Variants in ADAMTSL1 observed in about 807,000 individuals in gnomAD.
ADAMTSL1 encodes ADAMTS like 1.
A neutral mutation model predicts 201.8 loss-of-function variants in ADAMTSL1; 126 were observed. The ratio of observed to expected loss-of-function variants is 0.62; its 90% CI spans 0.54 to 0.72. The LOEUF (loss-of-function observed/expected upper bound fraction) is 0.72. Among genes scored for constraint, ADAMTSL1 ranks in the 30% least tolerant of loss-of-function variants. The pLI is 0.00. For synonymous variants in ADAMTSL1, 1,121 were observed against 903.4 expected, an observed-to-expected ratio of 1.24 and a Z score of -4.32; for missense variants, 2,679 against 2,277.8, an observed-to-expected ratio of 1.18 and a Z score of -3.59.
upstream of ADAMTSL1, among the ~76,000 whole-genome samples, chr9:18,472,076 G>C (rs1474730522): frequency 2.0e-5 from 3 of 152,126 alleles, no homozygotes; most frequent in African/African-American, 4.8e-5. Context: ...GAAGAGGGAG[G>C]AGGTGGTATT....
chr9:18,755,959 C>G (rs1265271236), intron 16 of ADAMTSL1, among the ~76,000 whole-genome samples: 1 of 150,854 alleles, frequency 6.6e-6, no homozygotes, highest in Non-Finnish European at 1.5e-5. Context: ...TCAAACATAA[C>G]AAGAAATAAA....
At chr9:18,837,697 C>G (rs1282655363) in intron 23 of ADAMTSL1, among the ~76,000 whole-genome samples, 1 of 152,186 alleles carries the variant, frequency 6.6e-6, no homozygotes, top group East Asian at 1.9e-4. Flanking sequence ...TGTAACAGAG[C>G]CACACCCATT....
chr9:18,574,327 G>C, intron 4 of ADAMTSL1, 61 bp downstream of exon 4: 8 of 1,358,680 alleles, frequency 5.9e-6, no homozygotes, highest in Non-Finnish European at 8.4e-6. Context: ...TTGTGTAAAT[G>C]GTTTACATAG....
At chr9:18,718,127 A>C in intron 14 of ADAMTSL1, 1 of 1,100,804 alleles carries the variant, frequency 9.1e-7, no homozygotes, top group Non-Finnish European at 1.4e-6. Flanking sequence ...TTGTCTTGCT[A>C]GATTTTTGAC....
intron 2 of ADAMTSL1, among the ~76,000 whole-genome samples, chr9:18,176,022 A>T (rs7020686): frequency 0.011 from 1,600 of 145,142 alleles, 40 homozygotes; most frequent in African/African-American, 0.026. Flanking sequence ...AAAAAAAAAA[A>T]AAAAAAAAAA....
At chr9:18,206,184 A>C (rs1223820668) in intron 2 of ADAMTSL1, among the ~76,000 whole-genome samples, 1 of 152,006 alleles carries the variant, frequency 6.6e-6, no homozygotes, top group Non-Finnish European at 1.5e-5. Flanking sequence ...CAGAAGCCCA[A>C]AGTTGGAACT....
intron 17 of ADAMTSL1, among the ~76,000 whole-genome samples, chr9:18,773,595 G>A (rs1014948357): frequency 5.3e-5 from 8 of 152,234 alleles, no homozygotes; most frequent in African/African-American, 9.6e-5. Context: ...GATCTCCAAC[G>A]GCTGGGTCTC....
intron 7 of ADAMTSL1, among the ~76,000 whole-genome samples, chr9:18,655,739 T>G (rs1220491233): frequency 1.4e-5 from 2 of 147,920 alleles, no homozygotes; most frequent in African/African-American, 5.1e-5. Flanking sequence ...TAAATGAAAG[T>G]TTTTTTCTTA....
chr9:18,618,384 C>T (rs899521223), intron 4 of ADAMTSL1, among the ~76,000 whole-genome samples: 1 of 151,954 alleles, frequency 6.6e-6, no homozygotes, highest in Non-Finnish European at 1.5e-5. Flanking sequence ...TATTGTGCAT[C>T]TCAAATGTCT....
At chr9:18,694,930 A>G (rs1369486245) in intron 13 of ADAMTSL1, among the ~76,000 whole-genome samples, 1 of 152,238 alleles carries the variant, frequency 6.6e-6, no homozygotes, top group Non-Finnish European at 1.5e-5. Flanking sequence ...AAATCTAGGC[A>G]GAGCCTCCCA....
chr9:18,182,739 G>A (rs1405351803), intron 2 of ADAMTSL1, among the ~76,000 whole-genome samples: 1 of 152,174 alleles, frequency 6.6e-6, no homozygotes, highest in African/African-American at 2.4e-5. Flanking sequence ...ATAATCTTAT[G>A]AGAAAACTGA....
Position 18,657,865 on chromosome 9 carries a change from C to T in ADAMTSL1, c.946+115C>T, listed in dbSNP as rs144160389. ...AATTTTGTGCTGTCTTGGACCAGAT[C>T]CTTTCTTCTGAACAGAGTGGAATCT... is the stretch of plus-strand genomic sequence containing the variant. On this transcript the variant is annotated intron_variant, in intron 8 of 28. Coordinates refer to ENST00000380548, the MANE Select transcript of ADAMTSL1 (RefSeq NM_001040272.6). 573 of 819,936 alleles carry T rather than the reference C, an allele frequency of 7.0e-4. 4 individuals carry two copies. In the African/African-American group the frequency reaches 8.2e-3, roughly 12 times the overall value. 50.8% of individuals were successfully genotyped at this position (819,936 alleles called of 1,614,324 possible).
chr9:18,349,345 C>G (rs7859279), intron 2 of ADAMTSL1, among the ~76,000 whole-genome samples: 56,837 of 151,910 alleles, frequency 0.37, 11,089 homozygotes, highest in Middle Eastern at 0.42. Context: ...AAATGACTCC[C>G]CAGAACACGT....
At chr9:18,035,218 C>G (rs1454082943) in intron 1 of ADAMTSL1, among the ~76,000 whole-genome samples, 9 of 152,216 alleles carry the variant, frequency 5.9e-5, no homozygotes, top group African/African-American at 1.9e-4. Context: ...CTCCAAGGTT[C>G]TCAGCATAGA....
chr9:18,041,710 G>C (rs1821432145), intron 1 of ADAMTSL1, among the ~76,000 whole-genome samples: 1 of 151,958 alleles, frequency 6.6e-6, no homozygotes, highest in African/African-American at 2.4e-5. Context: ...TACCAGTTTT[G>C]ATATTGTACC....
chr9:18,368,178 G>A (rs1836865428), intron 2 of ADAMTSL1, among the ~76,000 whole-genome samples: 1 of 152,084 alleles, frequency 6.6e-6, no homozygotes, highest in Admixed American at 6.5e-5. Context: ...GCCTCCCAAA[G>A]TGCTGCGATT....
intron 4 of ADAMTSL1, among the ~76,000 whole-genome samples, chr9:18,581,453 C>T (rs1486266169): frequency 2.6e-5 from 4 of 152,192 alleles, no homozygotes; most frequent in African/African-American, 9.7e-5. Flanking sequence ...AAATTTACAT[C>T]CTTCACATGT....
intron 2 of ADAMTSL1, among the ~76,000 whole-genome samples, chr9:18,267,402 C>G (rs2132558911): frequency 6.6e-6 from 1 of 152,112 alleles, no homozygotes; most frequent in East Asian, 1.9e-4. Flanking sequence ...TTGCATGTGG[C>G]CAGATTGAAT....
At chr9:18,635,655 G>C (rs539707996) in intron 5 of ADAMTSL1, among the ~76,000 whole-genome samples, 3 of 152,182 alleles carry the variant, frequency 2.0e-5, no homozygotes, top group Admixed American at 1.3e-4. Context: ...TATAAGACCA[G>C]ATTTTAAAAT....
Sources: allele counts gnomAD v4.1 joint callset (sites outside exome capture counted in the v4.1 genomes callset), GRCh38; gene constraint gnomAD v4.1.1; transcripts MANE v1.5; gene names NCBI Gene and HGNC (gene_info 2026-07-23, HGNC 2026-07-21).